TACR2: variants seen among roughly 807,000 people sequenced by gnomAD.
The protein encoded by TACR2 is substance-K receptor.
TACR2 carries 24 observed loss-of-function variants against 28.9 expected under a neutral mutation model. That is an observed-to-expected ratio of 0.83 (90% confidence interval 0.60 to 1.17). The LOEUF is 1.17. Among genes scored for constraint, TACR2 ranks in the 50% most tolerant of loss-of-function variants. TACR2 has a pLI of 0.00. For missense variants in TACR2, 487 were observed against 524.4 expected (o/e 0.93, Z 0.70); for synonymous variants, 222 against 212.6 (o/e 1.04, Z -0.38).
At chr10:69,405,728 G>C (rs1188202284) in intron 4 of TACR2, among the ~76,000 whole-genome samples, 1 of 152,188 alleles carries the variant, frequency 6.6e-6, no homozygotes, top group Non-Finnish European at 1.5e-5. Flanking sequence ...GTAGAGCCTG[G>C]GGTGTTGTTT....
At position 69,416,081 on chromosome 10, in the gene TACR2, G is replaced by A. The variant is rs776958075; in HGVS notation, c.243C>T (p.Cys81=). The A allele has an allele frequency of 1.2e-6, 2 of 1,614,216 alleles. No individual in the cohort carries two copies. The highest frequency in any genetic ancestry group is 1.7e-5 in the Admixed American group (1 of 60,020). Residue 81 remains cysteine, a synonymous_variant, in exon 1 of 5, where the codon TGC becomes TGT. Coordinates refer to ENST00000373306, the MANE Select transcript of TACR2 (RefSeq NM_001057.3). ...TGAAGGCGGCATTGAAGGCAGCCATGCAGAGGTCAGCCAGCGCCAGATTGA... is the reference window on the plus strand; with the variant it reads ...TGAAGGCGGCATTGAAGGCAGCCATACAGAGGTCAGCCAGCGCCAGATTGA... The part of the protein sequence containing the change: ...FIVNLALADL[C]MAAFNAAFNF...
Position 69,404,985 on chromosome 10 carries a change from C to A in TACR2, c.1038G>T (p.Thr346=), listed in dbSNP as rs764896178. ...LELTPTTSLS[T]RVNRCHTKET... ...CCTTAGTGTGACACCTGTTGACTCT[C>A]GTGGAGAGGGAGGTCGTGGGAGTCA... The change falls in exon 5 of 5, where the codon ACG becomes ACT. Residue 346 remains threonine, a synonymous_variant. Coordinates refer to ENST00000373306, the MANE Select transcript of TACR2 (RefSeq NM_001057.3). 5.0e-6 allele frequency: 8 copies of A among 1,614,160 alleles called. No individual in the cohort carries two copies. The East Asian group carries it at 1.8e-4, about 36-fold the overall frequency.
rs143396417 is a variant in TACR2 at position 69,414,954 on chromosome 10, G to T, written c.578C>A (p.Thr193Lys). The stretch of plus-strand genomic sequence containing the variant: ...CCCCCAGAGGCCTTACAGGAGGAGC[G>T]TCTTGCCCCCGCTGTCTTCGGGCCA... ...VAWPEDSGGK[T>K]LLLYHLVVIA... The change falls in exon 2 of 5, where the codon ACG becomes AAG. Residue 193 changes from threonine (T) to lysine (K), a missense_variant. Thr to Lys is a moderately conservative substitution (Grantham distance 78, BLOSUM62 -1). Transcript: ENST00000373306. 6.2e-7 allele frequency: 1 copy of T among 1,610,894 alleles called. No individual in the cohort carries two copies. Among genetic ancestry groups the T allele is most frequent in the Non-Finnish European group, 8.5e-7 (1 of 1,177,902 alleles).
At chr10:69,411,561 G>C (rs1181264093) in intron 2 of TACR2, among the ~76,000 whole-genome samples, 1 of 152,072 alleles carries the variant, frequency 6.6e-6, no homozygotes, top group African/African-American at 2.4e-5. Flanking sequence ...ATTCCTTGGG[G>C]GCAACATCAC....
chr10:69,410,747 C>T (rs1362401337), intron 2 of TACR2, among the ~76,000 whole-genome samples: 1 of 152,188 alleles, frequency 6.6e-6, no homozygotes, highest in African/African-American at 2.4e-5. Flanking sequence ...ACTTTATTTA[C>T]TGCCCCTAGT....
At position 69,409,904 on chromosome 10, in the gene TACR2, CATATATATATATAT is replaced by C. The variant is rs10663894; in HGVS notation, c.588-843_588-830del. Among the ~76,000 whole-genome samples, 44 of 34,674 alleles carry C rather than the reference CATATATATATATAT, an allele frequency of 1.3e-3. 1 individual carries two copies. The highest frequency in any genetic ancestry group is 1.9e-3 in the Non-Finnish European group (39 of 20,196). The allele number at this position is 34,674 out of a possible 152,430, so 22.7% of individuals were successfully genotyped here. ...ATACATATATACATATATATATATA[CATATATATATATAT>C]ATATATATATATATATATATATATA... is the stretch of plus-strand genomic sequence containing the variant. On this transcript the variant is annotated intron_variant, in intron 2 of 4. Transcript: ENST00000373306.
Position 69,406,965 on chromosome 10 carries a change from C to T in TACR2, c.938+119G>A, listed in dbSNP as rs1320028714. 8 of 1,022,864 alleles carry T rather than the reference C, an allele frequency of 7.8e-6. No homozygotes were observed. In the Admixed American group the frequency reaches 9.6e-5, roughly 12 times the overall value. The allele number at this position is 1,022,864 out of a possible 1,614,324, so 63.4% of individuals were successfully genotyped here. On this transcript the variant is annotated intron_variant, in intron 4 of 4. Transcript: ENST00000373306. ...ACGGCTTTCTCATGTAGGCTGGGGG[C>T]ACAGGGCCACAGGTTCCGGCAGGAA...
At position 69,410,602 on chromosome 10, in the gene TACR2, G is replaced by A. The variant is rs189678588; in HGVS notation, c.588-1527C>T. On this transcript the variant is annotated intron_variant, in intron 2 of 4. Transcript: ENST00000373306. ...TGACGCTGCAGCCTCTCTCTGATGAGCTGCAGGCTGGGGACTGACTCCTCG... is the reference window on the plus strand; with the variant it reads ...TGACGCTGCAGCCTCTCTCTGATGAACTGCAGGCTGGGGACTGACTCCTCG... Among the ~76,000 whole-genome samples, 7 of 151,848 alleles carry A rather than the reference G, an allele frequency of 4.6e-5. No individual in the cohort carries two copies. In the East Asian group the frequency reaches 1.4e-3, roughly 29 times the overall value.
chr10:69,405,116 A>T (rs1212044166), intron 4 of TACR2, 32 bp from the exon 5 acceptor site: 2 of 1,591,588 alleles, frequency 1.3e-6, no homozygotes, highest in East Asian at 2.2e-5. Flanking sequence ...TGAGCCAGGG[A>T]GTTAGGGGCT....
intron 3 of TACR2, among the ~76,000 whole-genome samples, chr10:69,408,466 CT>C (rs570347863): frequency 5.4e-5 from 8 of 149,434 alleles, no homozygotes; most frequent in East Asian, 2.0e-4. Context: ...TTTTTTTTGT[CT>C]TTTTTTTTTC....
intron 4 of TACR2, among the ~76,000 whole-genome samples, chr10:69,405,350 T>C (rs12248527): frequency 0.057 from 8,740 of 152,110 alleles, 749 homozygotes; most frequent in African/African-American, 0.19. Context: ...GAACAAAAAA[T>C]GACCCCAGCA....
rs1840620003 is a variant in TACR2, at chr10:69,416,386, A to G, written c.-63T>C. 1 of 1,528,516 alleles carries G rather than the reference A, an allele frequency of 6.5e-7. No homozygotes were observed. Among genetic ancestry groups the G allele is most frequent in the Non-Finnish European group, 8.8e-7 (1 of 1,138,182 alleles). The allele number at this position is 1,528,516 out of a possible 1,614,324, so 94.7% of individuals were successfully genotyped here. A position where few individuals can be genotyped will look rare whatever the true frequency, so the allele number is the denominator to read the frequency against. On this transcript the variant is annotated 5_prime_UTR_variant, in exon 1 of 5. Coordinates refer to ENST00000373306, the MANE Select transcript of TACR2 (RefSeq NM_001057.3). ...CGGCTCCTCTCGGATTTGCTATGAA[A>G]GAGAACTCCCCTTCAGAGCATGGGA...
chr10:69,408,702 G>A (rs1270410339), intron 3 of TACR2, among the ~76,000 whole-genome samples: 3 of 152,158 alleles, frequency 2.0e-5, no homozygotes, highest in Non-Finnish European at 2.9e-5. Flanking sequence ...TCGCGCGAAG[G>A]CAGCTTCCGC....
intron 2 of TACR2, among the ~76,000 whole-genome samples, chr10:69,411,329 G>A (rs1445579798): frequency 1.3e-5 from 2 of 152,184 alleles, no homozygotes; most frequent in Non-Finnish European, 2.9e-5. Flanking sequence ...TAATCCTTAA[G>A]CTGTCCTTGT....
At chr10:69,415,174 C>T in intron 1 of TACR2, 35 bp from the exon 2 acceptor site, 1 of 1,587,122 alleles carries the variant, frequency 6.3e-7, no homozygotes, top group Non-Finnish European at 8.6e-7. Flanking sequence ...GGCAGGGGCC[C>T]TCCTGTTAGC....
In TACR2 at chr10:69,404,894, G is replaced by A. The variant is rs1304533181; in HGVS notation, c.1129C>T (p.Gln377Ter). ...CCAAACCATAGCCCTGATCCATCCT[G>A]GGGACGCCCCGCCTCCCCACTGGTA... is the stretch of plus-strand genomic sequence containing the variant. The part of the protein sequence containing the change: ...EATSGEAGRP[Q>*]DGSGLWFGYG... Residue 377 changes from glutamine (Q) to a stop codon, truncating the protein, a stop_gained, in exon 5 of 5, where the codon CAG becomes TAG. Coordinates refer to ENST00000373306, the MANE Select transcript of TACR2 (RefSeq NM_001057.3). LOFTEE classifies it high-confidence loss of function. 2.5e-6 allele frequency: 4 copies of A among 1,613,520 alleles called. No individual in the cohort carries two copies. The highest frequency in any genetic ancestry group is 3.4e-6 in the Non-Finnish European group (4 of 1,179,668).
At chr10:69,415,547 C>T (rs910041654) in intron 1 of TACR2, among the ~76,000 whole-genome samples, 3 of 151,424 alleles carry the variant, frequency 2.0e-5, no homozygotes, top group Admixed American at 6.6e-5. Context: ...ATTTTCCCCT[C>T]GTGTAATCTA....
chr10:69,409,025 A>C lies in TACR2; in HGVS notation c.638T>G (p.Met213Arg). The C allele has an allele frequency of 2.5e-6, 4 of 1,607,954 alleles. No homozygotes were observed. The highest frequency in any genetic ancestry group is 2.5e-6 in the Non-Finnish European group (3 of 1,178,456). Residue 213 changes from methionine to arginine, a missense_variant, in exon 3 of 5, where the codon ATG becomes AGG. Met to Arg is a moderately conservative substitution (Grantham distance 91). Transcript: ENST00000373306. Reference sequence around the variant, plus strand: ...GCCGATGACGCTGTAGGCTACAAACATCACCGCGAGCGGCAGGAAGTAGAT... The same window carrying C: ...GCCGATGACGCTGTAGGCTACAAACCTCACCGCGAGCGGCAGGAAGTAGAT... ...ALIYFLPLAV[M>R]FVAYSVIGLT...
Position 69,408,958 on chromosome 10 carries a change from G to A in TACR2, c.705C>T (p.His235=), listed in dbSNP as rs751339236. The change falls in exon 3 of 5, where the codon CAC becomes CAT. Residue 235 remains histidine, a synonymous_variant. Coordinates refer to ENST00000373306, the MANE Select transcript of TACR2 (RefSeq NM_001057.3). ...CCTGCAGGTGGCGCAGGTTGGCACC[G>A]TGCGCCTGATGTCCGGGCACTGCGC... The part of the protein sequence containing the change: ...WRRAVPGHQA[H]GANLRHLQAM... The A allele has an allele frequency of 1.3e-6, 2 of 1,580,798 alleles. No individual in the cohort carries two copies. Among genetic ancestry groups the A allele is most frequent in the Non-Finnish European group, 1.7e-6 (2 of 1,165,068 alleles).
Sources: gnomAD v4.1 joint callset for allele counts (sites outside exome capture counted in the v4.1 genomes callset) on GRCh38, gnomAD v4.1.1 for gene constraint, MANE v1.5 for transcripts, NCBI Gene and HGNC (gene_info 2026-07-23, HGNC 2026-07-21) for gene names.